Variants in DTX3L observed in about 807,000 individuals in gnomAD.
DTX3L encodes the protein deltex E3 ubiquitin ligase 3L, also known as E3 ubiquitin-protein ligase DTX3L.
DTX3L carries 34 observed loss-of-function variants against 60.9 expected under a neutral mutation model. The observed-to-expected ratio is 0.56, with a 90% CI of 0.42 to 0.74. The LOEUF (loss-of-function observed/expected upper bound fraction) is 0.74, where lower values mean the gene tolerates loss of function less well. Among genes scored for constraint, DTX3L ranks in the 30% least tolerant of loss-of-function variants. The pLI is 0.00. For missense variants in DTX3L, 810 were observed against 874.0 expected, an observed-to-expected ratio of 0.93 and a Z score of 0.92; for synonymous variants, 290 against 316.6, an observed-to-expected ratio of 0.92 and a Z score of 0.89.
intron 2 of DTX3L, among the ~76,000 whole-genome samples, chr3:122,566,529 ATT>A (rs67205013): frequency 2.7e-5 from 4 of 146,120 alleles, no homozygotes; most frequent in African/African-American, 2.5e-5. Flanking sequence ...CACCCAGCCA[ATT>A]TTTTTTTTTT....
At position 122,570,573 on chromosome 3, in the gene DTX3L, T is replaced by A. The variant is rs200669786; in HGVS notation, c.2054T>A (p.Leu685Gln). Residue 685 changes from leucine (L) to glutamine (Q), a missense_variant, in exon 4 of 5, where the codon CTG (leucine) becomes CAG (glutamine). Coordinates refer to ENST00000296161, the MANE Select transcript of DTX3L (RefSeq NM_138287.3). ...KLLYRAFDQK[L>Q]IFTVGYSRVL... ...CTTTATAGGGCCTTTGACCAAAAGCTGATTTTTACAGTGGGGTACTCTCGC... is the reference window on the plus strand; with the variant it reads ...CTTTATAGGGCCTTTGACCAAAAGCAGATTTTTACAGTGGGGTACTCTCGC... 6.1e-5 allele frequency: 99 copies of A among 1,614,186 alleles called. No individual in the cohort carries two copies. The African/African-American group carries it at 1.1e-3, about 19-fold the overall frequency.
intron 1 of DTX3L, 75 bp from the exon 2 acceptor site, chr3:122,565,784 A>G: frequency 2.1e-6 from 3 of 1,445,104 alleles, no homozygotes; most frequent in Non-Finnish European, 1.9e-6. Flanking sequence ...GTACAGACAC[A>G]GGAATGAGAG....
rs1180291260 is a variant in DTX3L at position 122,573,667 on chromosome 3, C to G, written c.*1920C>G. Reference sequence around the variant, plus strand: ...AGAACACTTGGAGCCTGAACTCTGACCAGGCCCCTCACTTGAGCCTTTGCT... The same window carrying G: ...AGAACACTTGGAGCCTGAACTCTGAGCAGGCCCCTCACTTGAGCCTTTGCT... On this transcript the variant is annotated 3_prime_UTR_variant, in exon 5 of 5. Coordinates refer to ENST00000296161, the MANE Select transcript of DTX3L (RefSeq NM_138287.3). The G allele has an allele frequency of 6.6e-6, 1 of 152,266 alleles. No individual in the cohort carries two copies. The highest frequency in any genetic ancestry group is 6.5e-5 in the Admixed American group (1 of 15,282). 9.4% of individuals were successfully genotyped at this position (152,266 alleles called of 1,614,324 possible).
At chr3:122,570,801 G>C in intron 4 of DTX3L, 129 bp downstream of exon 4, 1 of 942,556 alleles carries the variant, frequency 1.1e-6, no homozygotes, top group East Asian at 2.6e-5. Context: ...TGCTGATCGG[G>C]GATGGTAATC....
At chr3:122,571,606 T>C (rs1410772501) in intron 4 of DTX3L, 72 bp from the exon 5 acceptor site, 1 of 1,185,898 alleles carries the variant, frequency 8.4e-7, no homozygotes, top group Non-Finnish European at 1.2e-6. Flanking sequence ...AATTAAATCC[T>C]TAAATGCTGG....
chr3:122,568,310 GAAATAAATAAATAAATAAATAAAT>G (rs10561562), intron 2 of DTX3L, among the ~76,000 whole-genome samples, 155 bp from the exon 3 acceptor site: 18 of 148,332 alleles, frequency 1.2e-4, no homozygotes, highest in Non-Finnish European at 2.2e-4. Flanking sequence ...ACTCCATCTT[GAAATAAATAAATAAATAAATAAAT>G]AAATAAATAA....
intron 4 of DTX3L, among the ~76,000 whole-genome samples, chr3:122,571,443 T>C (rs536550304): frequency 2.0e-5 from 3 of 152,340 alleles, no homozygotes; most frequent in African/African-American, 7.2e-5. Context: ...TAATACTTTG[T>C]AGTTGGCAGG....
chr3:122,570,422 CT>C, intron 3 of DTX3L, 32 bp from the exon 4 acceptor site: 2 of 1,608,060 alleles, frequency 1.2e-6, no homozygotes, highest in South Asian at 2.2e-5. Context: ...ACAGGGCACT[CT>C]TTTCACATGA....
intron 2 of DTX3L, 117 bp from the exon 3 acceptor site, chr3:122,568,372 C>T: frequency 1.9e-6 from 1 of 515,988 alleles, no homozygotes; most frequent in Non-Finnish European, 3.0e-6. Context: ...GAAGTTGCCC[C>T]CACTTGGGAA....
chr3:122,571,050 C>A (rs1357237557), intron 4 of DTX3L, among the ~76,000 whole-genome samples: 1 of 152,050 alleles, frequency 6.6e-6, no homozygotes, highest in Non-Finnish European at 1.5e-5. Context: ...CCACAGAGAA[C>A]CTGAAATCAC....
In DTX3L at chr3:122,569,865, T is replaced by C. The variant is rs771100780; in HGVS notation, c.1776T>C (p.Tyr592=). The change falls in exon 3 of 5, where the codon TAT becomes TAC. Residue 592 remains tyrosine (Y), a synonymous_variant. Coordinates refer to ENST00000296161, the MANE Select transcript of DTX3L (RefSeq NM_138287.3). The stretch of plus-strand genomic sequence containing the variant: ...CTTGTATCAACAAAGCCATGTCATA[T>C]AAGCCAATCTGTCCCACATGCCAGA... The part of the protein sequence containing the change: ...CAPCINKAMS[Y]KPICPTCQTS... 5.0e-6 allele frequency: 8 copies of C among 1,614,164 alleles called. No individual in the cohort carries two copies. Among genetic ancestry groups the C allele is most frequent in the South Asian group, 4.4e-5 (4 of 91,084 alleles).
At position 122,569,923 on chromosome 3, in the gene DTX3L, G is replaced by A; in HGVS notation, c.1834G>A (p.Glu612Lys). The change falls in exon 3 of 5, where the codon GAG becomes AAG. Residue 612 changes from glutamate (E) to lysine (K), a missense_variant. Physicochemically the swap from Glu to Lys is moderately conservative, Grantham distance 56. Transcript: ENST00000296161. ...SYGIQKGNQP[E>K]GSMVFTVSRD... Reference sequence around the variant, plus strand: ...TGGTATTCAGAAAGGAAATCAGCCAGAGGGAAGCATGGTTTTCACTGTTTC... The same window carrying A: ...TGGTATTCAGAAAGGAAATCAGCCAAAGGGAAGCATGGTTTTCACTGTTTC... 6.2e-7 allele frequency: 1 copy of A among 1,614,132 alleles called. No individual in the cohort carries two copies. The highest frequency in any genetic ancestry group is 2.2e-5 in the East Asian group (1 of 44,890).
Position 122,568,813 on chromosome 3 carries a change from T to C in DTX3L, c.724T>C (p.Tyr242His), listed in dbSNP as rs1225625375. ...KSNYFEVPLPYFEYFKYICPD... is the reference protein window; with the variant it reads ...KSNYFEVPLPHFEYFKYICPD... ...CAACTATTTTGAAGTTCCCTTGCCT[T>C]ACTTTGAATACTTTAAATATATCTG... The change falls in exon 3 of 5, where the codon TAC (tyrosine) becomes CAC (histidine). Residue 242 changes from tyrosine to histidine, a missense_variant. Coordinates refer to ENST00000296161, the MANE Select transcript of DTX3L (RefSeq NM_138287.3). 1 of 1,613,972 alleles carries C rather than the reference T, an allele frequency of 6.2e-7. No individual in the cohort carries two copies. Among genetic ancestry groups the C allele is most frequent in the African/African-American group, 1.3e-5 (1 of 74,950 alleles).
chr3:122,566,108 T>A, intron 2 of DTX3L, 38 bp downstream of exon 2: 1 of 1,563,006 alleles, frequency 6.4e-7, no homozygotes, highest in Non-Finnish European at 8.8e-7. Flanking sequence ...TGCCTGCGCC[T>A]CCTCTCCAGT....
At position 122,572,203 on chromosome 3, in the gene DTX3L, G is replaced by A. The variant is rs368383500; in HGVS notation, c.*456G>A. Reference sequence around the variant, plus strand: ...GTTGGGATTATAGGCGTGAGCCACCGCGCCCAGCCCTGGAGTGATACTTTT... The same window carrying A: ...GTTGGGATTATAGGCGTGAGCCACCACGCCCAGCCCTGGAGTGATACTTTT... On this transcript the variant is annotated 3_prime_UTR_variant, in exon 5 of 5. Coordinates refer to ENST00000296161, the MANE Select transcript of DTX3L (RefSeq NM_138287.3). The A allele has an allele frequency of 1.3e-4, 20 of 158,034 alleles. No individual in the cohort carries two copies. The highest frequency in any genetic ancestry group is 3.8e-4 in the African/African-American group (16 of 41,664). The allele number at this position is 158,034 out of a possible 1,614,324, so 9.8% of individuals were successfully genotyped here. A position where few individuals can be genotyped will look rare whatever the true frequency, so the allele number is the denominator to read the frequency against.
Position 122,569,000 on chromosome 3 carries a change from C to G in DTX3L, c.911C>G (p.Pro304Arg), listed in dbSNP as rs1247568658. The G allele has an allele frequency of 6.2e-7, 1 of 1,614,172 alleles. No homozygotes were observed. Among genetic ancestry groups the G allele is most frequent in the Admixed American group, 1.7e-5 (1 of 60,022 alleles). ...AGTGAATTTCAGAAGAACACAGAAC[C>G]TCTGAAGCAAGAATGTGTCTCTTTA... ...FASEFQKNTE[P>R]LKQECVSLAD... is the part of the protein sequence containing the mutation. Residue 304 changes from proline to arginine, a missense_variant, in exon 3 of 5, where the codon CCT (proline) becomes CGT (arginine). Pro to Arg is a moderately radical substitution (Grantham distance 103). Coordinates refer to ENST00000296161, the MANE Select transcript of DTX3L (RefSeq NM_138287.3).
rs376474027 is a variant in DTX3L at position 122,564,573 on chromosome 3, A to G, written c.147A>G (p.Glu49=). 14 of 1,604,208 alleles carry G rather than the reference A, an allele frequency of 8.7e-6. No homozygotes were observed. The African/African-American group carries it at 1.4e-4, about 16-fold the overall frequency. The part of the protein sequence containing the change: ...GECTVSTQEH[E]APGTFRVEFS... ...GCACGGTCAGCACCCAGGAACACGAAGCCCCGGGCACCTTCCGGGTGGAGT... is the reference window on the plus strand; with the variant it reads ...GCACGGTCAGCACCCAGGAACACGAGGCCCCGGGCACCTTCCGGGTGGAGT... The change falls in exon 1 of 5, where the codon GAA becomes GAG. Residue 49 remains glutamate (E), a synonymous_variant. Transcript: ENST00000296161.
In DTX3L at chr3:122,570,603, T is replaced by C; in HGVS notation, c.2084T>C (p.Leu695Ser). ...LIFTVGYSRV[L>S]GVSDVITWND... Reference sequence around the variant, plus strand: ...TTTACAGTGGGGTACTCTCGCGTATTAGGAGTCTCAGATGTCATCACTTGG... The same window carrying C: ...TTTACAGTGGGGTACTCTCGCGTATCAGGAGTCTCAGATGTCATCACTTGG... The change falls in exon 4 of 5, where the codon TTA becomes TCA. Residue 695 changes from leucine (L) to serine (S), a missense_variant. Coordinates refer to ENST00000296161, the MANE Select transcript of DTX3L (RefSeq NM_138287.3). 6.2e-7 allele frequency: 1 copy of C among 1,614,174 alleles called. No individual in the cohort carries two copies. Among genetic ancestry groups the C allele is most frequent in the Non-Finnish European group, 8.5e-7 (1 of 1,180,028 alleles).
chr3:122,570,486 C>A lies in DTX3L; in HGVS notation c.1967C>A (p.Pro656His). The A allele has an allele frequency of 6.2e-7, 1 of 1,614,096 alleles. No homozygotes were observed. The highest frequency in any genetic ancestry group is 2.2e-5 in the East Asian group (1 of 44,876). ...CACCCAAACCCAGGAAAGAGATACC[C>A]TGGAATACAGCGAACTGCATACTTG... The part of the protein sequence containing the change: ...EEHPNPGKRY[P>H]GIQRTAYLPD... The change falls in exon 4 of 5, where the codon CCT (proline) becomes CAT (histidine). Residue 656 changes from proline (P) to histidine (H), a missense_variant. By Grantham distance (77) the Pro-to-His change is moderately conservative. Transcript: ENST00000296161.
Sources: allele counts gnomAD v4.1 joint callset (sites outside exome capture counted in the v4.1 genomes callset), GRCh38; gene constraint gnomAD v4.1.1; transcripts MANE v1.5; gene names NCBI Gene and HGNC (gene_info 2026-07-23, HGNC 2026-07-21).